The following DDHD1 variants were observed in gnomAD, a reference collection of about 807,000 sequenced individuals.
DDHD1 encodes the protein DDHD domain containing 1.
A neutral mutation model predicts 96.4 loss-of-function variants in DDHD1; 49 were observed. That is an observed-to-expected ratio of 0.51 (90% CI 0.40 to 0.64). The LOEUF (loss-of-function observed/expected upper bound fraction) is 0.64. Ranked by LOEUF, DDHD1 falls within the 30% of genes least tolerant of loss-of-function variation. The probability of loss-of-function intolerance (pLI) is 0.00; values close to 1 mark genes in which losing one functional copy is unlikely to be tolerated. For synonymous variants in DDHD1, 442 were observed against 446.5 expected (o/e 0.99, Z 0.13); for missense variants, 1,106 against 1,161.2 (o/e 0.95, Z 0.69).
chr14:53,101,985 T>C (rs1455881539), intron 2 of DDHD1, among the ~76,000 whole-genome samples: 1 of 151,978 alleles, frequency 6.6e-6, no homozygotes, highest in Admixed American at 6.6e-5. Flanking sequence ...ATACTCATCC[T>C]CTTTCTCCTC....
intron 1 of DDHD1, among the ~76,000 whole-genome samples, chr14:53,147,146 G>A (rs554030624): frequency 6.6e-6 from 1 of 152,078 alleles, no homozygotes; most frequent in South Asian, 2.1e-4. Context: ...TCCTCCCCCA[G>A]TGTCCATAAT....
chr14:53,115,547 G>A (rs1264519328), intron 1 of DDHD1, among the ~76,000 whole-genome samples: 1 of 152,208 alleles, frequency 6.6e-6, no homozygotes, highest in East Asian at 1.9e-4. Context: ...AACTTTACAA[G>A]CCAGAAGACA....
At chr14:53,069,899 G>T (rs1304271369) in intron 6 of DDHD1, among the ~76,000 whole-genome samples, 1 of 152,046 alleles carries the variant, frequency 6.6e-6, no homozygotes, top group Non-Finnish European at 1.5e-5. Flanking sequence ...AATTCATCTG[G>T]ATCAAAAGAC....
intron 6 of DDHD1, among the ~76,000 whole-genome samples, chr14:53,066,958 CAAAAAAA>C (rs34195210): frequency 2.2e-5 from 3 of 134,436 alleles, no homozygotes; most frequent in African/African-American, 8.3e-5. Context: ...GAACCTGTCT[CAAAAAAA>C]AAAAAAAAAA....
Position 53,058,357 on chromosome 14 carries a change from C to T in DDHD1, c.1992+120G>A, listed in dbSNP as rs371543840. On this transcript the variant is annotated intron_variant, in intron 9 of 12. Transcript: ENST00000673822. The stretch of plus-strand genomic sequence containing the variant: ...CTTGAACTCCTGACCTCAGATGATG[C>T]GCCCGCCTCAGCCTCCCAAAGTGCT... 154 of 1,115,232 alleles carry T rather than the reference C, an allele frequency of 1.4e-4. No individual in the cohort carries two copies. The African/African-American group carries it at 1.9e-3, about 14-fold the overall frequency. 69.1% of individuals were successfully genotyped at this position (1,115,232 alleles called of 1,614,324 possible).
intron 4 of DDHD1, among the ~76,000 whole-genome samples, chr14:53,080,716 CCT>C (rs1885390229): frequency 7.5e-5 from 1 of 13,360 alleles, no homozygotes; most frequent in South Asian, 3.2e-3. Context: ...TTTCCTTCCC[CCT>C]TTTTTTTTTT....
At chr14:53,127,733 C>G (rs531439574) in intron 1 of DDHD1, among the ~76,000 whole-genome samples, 102 of 152,322 alleles carry the variant, frequency 6.7e-4, no homozygotes, top group African/African-American at 2.4e-3. Flanking sequence ...TCGCTACAGA[C>G]ACACAATGAC....
At position 53,072,686 on chromosome 14, in the gene DDHD1, T is replaced by C; in HGVS notation, c.1414A>G (p.Thr472Ala). Residue 472 changes from threonine to alanine, a missense_variant, in exon 6 of 13, where the codon ACT (threonine) becomes GCT (alanine). This residue lies in a region of DDHD1 where 650 missense variants were observed against 758.8 expected (regional missense o/e 0.86). Transcript: ENST00000673822. ...CTTAAACCTCGTACTTTGTCAGGAG[T>C]AATGGAATCAACAGTGTCTACAAAA... is the stretch of plus-strand genomic sequence containing the variant. The part of the protein sequence containing the change: ...TLDGDTVDSI[T>A]PDKVRGLRDM... The C allele has an allele frequency of 6.2e-7, 1 of 1,608,156 alleles. No individual in the cohort carries two copies. Among genetic ancestry groups the C allele is most frequent in the Non-Finnish European group, 8.5e-7 (1 of 1,176,464 alleles).
rs370400317 is a variant in DDHD1 at position 53,128,877 on chromosome 14, T to G, written c.838+23384A>C. ...ATTGTGATATGTTCCTGCCCCACCC[T>G]AACTGATCAACTGACCTTATGACAA... On this transcript the variant is annotated intron_variant, in intron 1 of 12. Transcript: ENST00000673822. Among the ~76,000 whole-genome samples the G allele has an allele frequency of 1.1e-4, 17 of 152,326 alleles. No homozygotes were observed. In the East Asian group the frequency reaches 1.9e-3, roughly 17 times the overall value.
intron 4 of DDHD1, among the ~76,000 whole-genome samples, chr14:53,086,323 G>C (rs1331574129): frequency 2.6e-5 from 4 of 152,108 alleles, no homozygotes; most frequent in African/African-American, 9.7e-5. Flanking sequence ...TACTCCTCGA[G>C]AAGAGCAACT....
chr14:53,112,605 C>T (rs1400807924), intron 1 of DDHD1, among the ~76,000 whole-genome samples: 1 of 152,156 alleles, frequency 6.6e-6, no homozygotes, highest in Non-Finnish European at 1.5e-5. Context: ...TCTTATTCTA[C>T]ATTACTAATA....
intron 11 of DDHD1, 148 bp from the exon 12 acceptor site, chr14:53,052,075 G>T: frequency 1.7e-6 from 1 of 597,438 alleles, no homozygotes; most frequent in Admixed American, 2.9e-5. Flanking sequence ...CTTAATTTTT[G>T]TAAGGAGCTC....
intron 1 of DDHD1, among the ~76,000 whole-genome samples, chr14:53,140,391 A>C: frequency 6.6e-6 from 1 of 151,996 alleles, no homozygotes. Context: ...AAAATTAGCC[A>C]AGTGTGGTGT....
At chr14:53,137,660 G>A (rs972544408) in intron 1 of DDHD1, among the ~76,000 whole-genome samples, 3 of 152,068 alleles carry the variant, frequency 2.0e-5, no homozygotes, top group African/African-American at 4.8e-5. Context: ...ATATCAAAAT[G>A]TACAGAGTTG....
chr14:53,053,149 T>C (rs568556239), intron 11 of DDHD1: 1 of 152,218 alleles, frequency 6.6e-6, no homozygotes, highest in African/African-American at 2.4e-5. Flanking sequence ...CAGAGAACCA[T>C]GACTTTTTAC....
Position 53,073,759 on chromosome 14 carries a change from T to G in DDHD1, c.1378A>C (p.Lys460Gln), listed in dbSNP as rs775155578. The G allele has an allele frequency of 5.0e-6, 8 of 1,608,692 alleles. No homozygotes were observed. The Admixed American group carries it at 1.0e-4, about 20-fold the overall frequency. ...VEFLPVEWRS[K>Q]LTLDGDTVDS... is the part of the protein sequence containing the mutation. ...AATATACCTCCATCAAGAGTAAGTTTTGACCGCCACTCAACAGGCAGAAAT... is the reference window on the plus strand; with the variant it reads ...AATATACCTCCATCAAGAGTAAGTTGTGACCGCCACTCAACAGGCAGAAAT... Residue 460 changes from lysine (K) to glutamine (Q), a missense_variant, in exon 5 of 13, where the codon AAA (lysine) becomes CAA (glutamine). Lys to Gln is a moderately conservative substitution (Grantham distance 53). Coordinates refer to ENST00000673822, the MANE Select transcript of DDHD1 (RefSeq NM_001160148.2).
At position 53,042,256 on chromosome 14, in the gene DDHD1, T is replaced by C. The variant is rs1291077354; in HGVS notation, c.*4512A>G. 6.6e-6 allele frequency: 1 copy of C among 152,180 alleles called. No homozygotes were observed. Among genetic ancestry groups the C allele is most frequent in the East Asian group, 1.9e-4 (1 of 5,206 alleles). The allele number at this position is 152,180 out of a possible 1,614,324, so 9.4% of individuals were successfully genotyped here. On this transcript the variant is annotated 3_prime_UTR_variant, in exon 13 of 13. Transcript: ENST00000673822. ...TCTCAAAGCCCTGCTGTAAGGGAGA[T>C]TTTTGAATTTGTCAATTCCTAAACT...
At chr14:53,105,154 A>G (rs1418586242) in intron 1 of DDHD1, among the ~76,000 whole-genome samples, 1 of 152,146 alleles carries the variant, frequency 6.6e-6, no homozygotes, top group Non-Finnish European at 1.5e-5. Context: ...TTCAGTATGG[A>G]CTAGTGATGT....
At chr14:53,152,114 C>G in intron 1 of DDHD1, 147 bp downstream of exon 1, 15 of 787,114 alleles carry the variant, frequency 1.9e-5, no homozygotes, top group Admixed American at 1.1e-4. Flanking sequence ...GCTGCCGACG[C>G]TCCCTGCTCA....
Sources: gnomAD v4.1 joint callset for allele counts (sites outside exome capture counted in the v4.1 genomes callset) on GRCh38, gnomAD v4.1.1 for gene constraint, gnomAD v4.1.1 regional missense constraint, MANE v1.5 for transcripts, NCBI Gene and HGNC (gene_info 2026-07-23, HGNC 2026-07-21) for gene names.